The following SEC23IP variants were observed in gnomAD, a reference collection of about 807,000 sequenced individuals.
SEC23IP encodes SEC23-interacting protein.
A neutral mutation model predicts 113.4 loss-of-function variants in SEC23IP; 70 were observed. That is an observed-to-expected ratio of 0.62 (90% confidence interval 0.51 to 0.75). The LOEUF is 0.75. SEC23IP is among the 30% of genes least tolerant of loss of function. The pLI is 0.00. For missense variants in SEC23IP, 1,160 were observed against 1,204.9 expected (o/e 0.96, Z 0.55); for synonymous variants, 398 against 421.0 (o/e 0.95, Z 0.67).
intron 13 of SEC23IP, among the ~76,000 whole-genome samples, chr10:119,929,269 A>C (rs1855513284): frequency 6.6e-6 from 1 of 152,060 alleles, no homozygotes; most frequent in East Asian, 1.9e-4. Context: ...AGTCTTGCTC[A>C]GTCACCCAGG....
intron 1 of SEC23IP, among the ~76,000 whole-genome samples, chr10:119,894,927 TG>T (rs1275549708): frequency 7.2e-6 from 1 of 139,034 alleles, no homozygotes; most frequent in East Asian, 2.0e-4. Flanking sequence ...TGTGTGTGTG[TG>T]TGTGTGTGAA....
chr10:119,917,480 G>A (rs1268798279), intron 8 of SEC23IP, among the ~76,000 whole-genome samples: 1 of 151,786 alleles, frequency 6.6e-6, no homozygotes, highest in Non-Finnish European at 1.5e-5. Flanking sequence ...TCAGGTTCAA[G>A]CAGTTCTCCT....
rs1856005543 is a variant in SEC23IP at position 119,943,248 on chromosome 10, C to CA, written c.*2684dup. The CA allele has an allele frequency of 6.6e-6, 1 of 152,186 alleles. No homozygotes were observed. Among genetic ancestry groups the CA allele is most frequent in the Admixed American group, 6.5e-5 (1 of 15,282 alleles). 9.4% of individuals were successfully genotyped at this position (152,186 alleles called of 1,614,324 possible). On this transcript the variant is annotated 3_prime_UTR_variant, in exon 19 of 19. Transcript: ENST00000369075. Reference sequence around the variant, plus strand: ...GTTGGCATTCCAGCTTAGTTTGAGTCAGTTTCCCAGGGCTGGGTCCTCAGA... The same window carrying CA: ...GTTGGCATTCCAGCTTAGTTTGAGTCAAGTTTCCCAGGGCTGGGTCCTCAGA...
At position 119,892,812 on chromosome 10, in the gene SEC23IP, CG is replaced by C; in HGVS notation, c.32del (p.Gly11AlafsTer91). Reference protein sequence around the residue: MAERKPNGGSGGASTSSSGTN... With the variant: MAERKPNGGSXGASTSSSGTN... ...CCGAGAGAAAACCTAACGGTGGCAGCGGCGGCGCCTCCACTTCCTCATCGGG... is the reference window on the plus strand; with the variant it reads ...CCGAGAGAAAACCTAACGGTGGCAGCGCGGCGCCTCCACTTCCTCATCGGG... On this transcript the variant is annotated frameshift_variant, in exon 1 of 19. Transcript: ENST00000369075. LOFTEE classifies it high-confidence loss of function. 1 of 1,612,060 alleles carries C rather than the reference CG, an allele frequency of 6.2e-7. No individual in the cohort carries two copies. Among genetic ancestry groups the C allele is most frequent in the Non-Finnish European group, 8.5e-7 (1 of 1,179,296 alleles).
At chr10:119,906,652 T>C (rs566473046) in intron 4 of SEC23IP, among the ~76,000 whole-genome samples, 1 of 152,238 alleles carries the variant, frequency 6.6e-6, no homozygotes, top group East Asian at 1.9e-4. Flanking sequence ...TTCAGCTCAC[T>C]GTAACCTCAG....
intron 12 of SEC23IP, among the ~76,000 whole-genome samples, chr10:119,925,009 T>C (rs1855374317): frequency 6.6e-6 from 1 of 152,034 alleles, no homozygotes; most frequent in South Asian, 2.1e-4. Context: ...ACCCCTGAGC[T>C]CAAGAGATCC....
rs1444349785 is a variant in SEC23IP at position 119,933,085 on chromosome 10, C to T, written c.2839C>T (p.Arg947Ter). Reference protein sequence around the residue: ...GKVGMLNGGRRIDYVLQEKPI... With the variant: ...GKVGMLNGGR ...GGTTGGAATGTTAAATGGAGGCCGC[C>T]GAATTGACTACGTTCTCCAAGAAAA... Residue 947 changes from arginine to a stop codon, truncating the protein, a stop_gained, in exon 17 of 19, where the codon CGA becomes TGA. Coordinates refer to ENST00000369075, the MANE Select transcript of SEC23IP (RefSeq NM_007190.4). LOFTEE classifies it high-confidence loss of function. 5 of 1,613,600 alleles carry T rather than the reference C, an allele frequency of 3.1e-6. No homozygotes were observed. Among genetic ancestry groups the T allele is most frequent in the Non-Finnish European group, 4.2e-6 (5 of 1,179,696 alleles).
In SEC23IP at chr10:119,933,130, G is replaced by A; in HGVS notation, c.2884G>A (p.Glu962Lys). The change falls in exon 17 of 19, where the codon GAA becomes AAA. Residue 962 changes from glutamate to lysine, a missense_variant. Transcript: ENST00000369075. Reference sequence around the variant, plus strand: ...AGAAAAACCAATAGAGAGTTTTAATGAATACCTTTTCGCTCTTCAGAGTCA... The same window carrying A: ...AGAAAAACCAATAGAGAGTTTTAATAAATACCTTTTCGCTCTTCAGAGTCA... Reference protein sequence around the residue: ...LQEKPIESFNEYLFALQSHLC... With the variant: ...LQEKPIESFNKYLFALQSHLC... 1.2e-6 allele frequency: 2 copies of A among 1,614,076 alleles called. No individual in the cohort carries two copies. Among genetic ancestry groups the A allele is most frequent in the Non-Finnish European group, 1.7e-6 (2 of 1,179,956 alleles).
Position 119,926,102 on chromosome 10 carries a change from C to T in SEC23IP, c.2188C>T (p.Gln730Ter). The change falls in exon 13 of 19, where the codon CAG becomes TAG. Residue 730 changes from glutamine to a stop codon, truncating the protein, a stop_gained. Coordinates refer to ENST00000369075, the MANE Select transcript of SEC23IP (RefSeq NM_007190.4). LOFTEE classifies it high-confidence loss of function. ...TACAAAAGGACAAGAGCAAAGTGCC[C>T]AGAAGACTAAAGACATGGCTTCCCT... ...TSTKGQEQSAQKTKDMASLPS... is the reference protein window; with the variant it reads ...TSTKGQEQSA The T allele has an allele frequency of 1.2e-6, 2 of 1,614,084 alleles. No individual in the cohort carries two copies. The highest frequency in any genetic ancestry group is 1.7e-6 in the Non-Finnish European group (2 of 1,180,012).
Position 119,912,144 on chromosome 10 carries a change from A to G in SEC23IP, c.1292A>G (p.Asn431Ser). The stretch of plus-strand genomic sequence containing the variant: ...GTTGTAAAGCGTGGAATTGATGATA[A>G]CCTTGATGAAATTCCCGACGGTGTG... ...PRVVKRGIDD[N>S]LDEIPDGEMP... Residue 431 changes from asparagine to serine, a missense_variant, in exon 6 of 19, where the codon AAC becomes AGC. Coordinates refer to ENST00000369075, the MANE Select transcript of SEC23IP (RefSeq NM_007190.4). 5 of 1,614,044 alleles carry G rather than the reference A, an allele frequency of 3.1e-6. No individual in the cohort carries two copies. Among genetic ancestry groups the G allele is most frequent in the Non-Finnish European group, 4.2e-6 (5 of 1,179,954 alleles).
rs190860618 is a variant in SEC23IP at position 119,929,524 on chromosome 10, A to G, written c.2314-83A>G. The G allele has an allele frequency of 7.1e-4, 866 of 1,227,884 alleles. 13 individuals carry two copies. The East Asian group carries it at 0.017, about 24-fold the overall frequency. The allele number at this position is 1,227,884 out of a possible 1,614,324, so 76.1% of individuals were successfully genotyped here. A position where few individuals can be genotyped will look rare whatever the true frequency, so the allele number is the denominator to read the frequency against. On this transcript the variant is annotated intron_variant, in intron 13 of 18. Coordinates refer to ENST00000369075, the MANE Select transcript of SEC23IP (RefSeq NM_007190.4). Reference sequence around the variant, plus strand: ...GCTGGGATTACAGGCATGAGCCACCACGCCCGGCCTGAAAATTCAAAAGAA... The same window carrying G: ...GCTGGGATTACAGGCATGAGCCACCGCGCCCGGCCTGAAAATTCAAAAGAA...
At position 119,933,067 on chromosome 10, in the gene SEC23IP, A is replaced by G; in HGVS notation, c.2821A>G (p.Met941Val). 3 of 1,614,148 alleles carry G rather than the reference A, an allele frequency of 1.9e-6. No individual in the cohort carries two copies. Among genetic ancestry groups the G allele is most frequent in the Non-Finnish European group, 1.7e-6 (2 of 1,179,950 alleles). The part of the protein sequence containing the change: ...KDEDYLGKVG[M>V]LNGGRRIDYV... ...TGAGGACTACTTAGGAAAGGTTGGA[A>G]TGTTAAATGGAGGCCGCCGAATTGA... The change falls in exon 17 of 19, where the codon ATG becomes GTG. Residue 941 changes from methionine (M) to valine (V), a missense_variant. By Grantham distance (21) the Met-to-Val change is conservative. Coordinates refer to ENST00000369075, the MANE Select transcript of SEC23IP (RefSeq NM_007190.4).
chr10:119,918,107 G>A (rs999111566), intron 9 of SEC23IP, 63 bp downstream of exon 9: 12 of 1,317,050 alleles, frequency 9.1e-6, no homozygotes, highest in African/African-American at 1.5e-5. Context: ...TGCTTTCAGT[G>A]TAGGTGATAT....
rs755780010 is a variant in SEC23IP, at chr10:119,933,101, T to TC, written c.2857dup (p.Gln953ProfsTer9). On this transcript the variant is annotated frameshift_variant, in exon 17 of 19. Coordinates refer to ENST00000369075, the MANE Select transcript of SEC23IP (RefSeq NM_007190.4). LOFTEE classifies it high-confidence loss of function. ...GGAGGCCGCCGAATTGACTACGTTC[T>TC]CCAAGAAAAACCAATAGAGAGTTTT... The TC allele has an allele frequency of 6.2e-7, 1 of 1,614,058 alleles. No individual in the cohort carries two copies. Among genetic ancestry groups the TC allele is most frequent in the East Asian group, 2.2e-5 (1 of 44,886 alleles).
Position 119,943,836 on chromosome 10 carries a change from A to G in SEC23IP, c.*3271A>G, listed in dbSNP as rs990485326. ...GGGTTATTGAGGACACATCTGTGAGATAGTGGGCAATGCTACATATTCGTT... is the reference window on the plus strand; with the variant it reads ...GGGTTATTGAGGACACATCTGTGAGGTAGTGGGCAATGCTACATATTCGTT... On this transcript the variant is annotated 3_prime_UTR_variant, in exon 19 of 19. Transcript: ENST00000369075. 2 of 152,214 alleles carry G rather than the reference A, an allele frequency of 1.3e-5. No homozygotes were observed. The highest frequency in any genetic ancestry group is 4.8e-5 in the African/African-American group (2 of 41,450). 9.4% of individuals were successfully genotyped at this position (152,214 alleles called of 1,614,324 possible).
intron 8 of SEC23IP, among the ~76,000 whole-genome samples, chr10:119,916,802 T>C (rs1855066541): frequency 6.6e-6 from 1 of 152,188 alleles, no homozygotes; most frequent in African/African-American, 2.4e-5. Flanking sequence ...ATGACTTATA[T>C]AGCAACTAAC....
rs985292891 is a variant in SEC23IP at position 119,892,756 on chromosome 10, A to T, written c.-27A>T. ...GTGGTGTGGTACCGGGTACCCGGAG[A>T]CGTGTATCGGACGGTGGGCCGCAGC... is the stretch of plus-strand genomic sequence containing the variant. On this transcript the variant is annotated 5_prime_UTR_variant, in exon 1 of 19. Transcript: ENST00000369075. The T allele has an allele frequency of 3.8e-6, 6 of 1,587,290 alleles. No homozygotes were observed. Among genetic ancestry groups the T allele is most frequent in the African/African-American group, 1.3e-5 (1 of 74,500 alleles).
At chr10:119,926,583 C>A (rs1855432190) in intron 13 of SEC23IP, among the ~76,000 whole-genome samples, 1 of 152,180 alleles carries the variant, frequency 6.6e-6, no homozygotes, top group African/African-American at 2.4e-5. Context: ...TGTATTCACT[C>A]AACTTATGTT....
chr10:119,932,447 T>C (rs951804334), intron 16 of SEC23IP, 129 bp downstream of exon 16: 1 of 672,140 alleles, frequency 1.5e-6, no homozygotes, highest in East Asian at 2.7e-5. Flanking sequence ...TAAAGGAAAA[T>C]CTGTTAAGAT....
Sources: gnomAD v4.1 joint callset for allele counts (sites outside exome capture counted in the v4.1 genomes callset) on GRCh38, gnomAD v4.1.1 for gene constraint, MANE v1.5 for transcripts, NCBI Gene and HGNC (gene_info 2026-07-23, HGNC 2026-07-21) for gene names.